Variants in CDK14 observed in about 807,000 individuals in gnomAD.
CDK14 encodes cyclin-dependent kinase 14.
Under a neutral mutation model 60.7 loss-of-function variants are expected in CDK14, and 34 were observed. The ratio of observed to expected loss-of-function variants is 0.56; its 90% CI spans 0.43 to 0.75. The LOEUF (loss-of-function observed/expected upper bound fraction) is 0.75, where lower values mean the gene tolerates loss of function less well. CDK14 is among the 30% of genes least tolerant of loss of function. The probability of loss-of-function intolerance (pLI) is 0.00; values close to 1 mark genes in which losing one functional copy is unlikely to be tolerated. For missense variants in CDK14, 482 were observed against 564.1 expected (o/e 0.85, Z 1.47); for synonymous variants, 197 against 203.7 (o/e 0.97, Z 0.28).
At chr7:90,616,024 C>T (rs1799642935) in intron 2 of CDK14, among the ~76,000 whole-genome samples, 1 of 152,220 alleles carries the variant, frequency 6.6e-6, no homozygotes, top group South Asian at 2.1e-4. Context: ...GATATTGGTA[C>T]AATCATATGC....
intron 10 of CDK14, among the ~76,000 whole-genome samples, chr7:91,002,806 G>T (rs997402401): frequency 4.6e-5 from 7 of 152,156 alleles, no homozygotes; most frequent in African/African-American, 1.4e-4. Flanking sequence ...GGGCCCGGTG[G>T]TTCACAGCTG....
intron 9 of CDK14, among the ~76,000 whole-genome samples, chr7:90,968,855 G>T (rs143367386): frequency 6.6e-6 from 1 of 150,788 alleles, no homozygotes; most frequent in Non-Finnish European, 1.5e-5. Context: ...AGAATCTCAG[G>T]GTAGCTCTCT....
intron 10 of CDK14, among the ~76,000 whole-genome samples, chr7:91,014,723 T>C (rs144092178): frequency 1.8e-3 from 273 of 152,306 alleles, no homozygotes; most frequent in African/African-American, 6.4e-3. Context: ...GCTATGTGTA[T>C]TGTTACTAAT....
At chr7:90,881,112 A>T (rs1791736301) in intron 6 of CDK14, among the ~76,000 whole-genome samples, 1 of 152,226 alleles carries the variant, frequency 6.6e-6, no homozygotes, top group African/African-American at 2.4e-5. Context: ...TGACAGAAGT[A>T]GGCTTCAGAA....
chr7:91,045,982 T>C, intron 11 of CDK14, 22 bp downstream of exon 11: 1 of 1,487,922 alleles, frequency 6.7e-7, no homozygotes, highest in African/African-American at 1.4e-5. Flanking sequence ...TAATTACAGA[T>C]GACTAGGTGC....
intron 5 of CDK14, among the ~76,000 whole-genome samples, chr7:90,825,594 T>C (rs986468441): frequency 1.3e-5 from 2 of 152,188 alleles, no homozygotes; most frequent in African/African-American, 2.4e-5. Context: ...CAAACTGTTA[T>C]CGTGGCAGGG....
chr7:91,168,153 T>C (rs1801404562), intron 14 of CDK14, among the ~76,000 whole-genome samples: 2 of 151,534 alleles, frequency 1.3e-5, no homozygotes, highest in South Asian at 4.2e-4. Flanking sequence ...TCCCAGCTAC[T>C]CGGGATACTG....
At chr7:90,902,874 G>A (rs1792561568) in intron 7 of CDK14, among the ~76,000 whole-genome samples, 1 of 152,000 alleles carries the variant, frequency 6.6e-6, no homozygotes, top group South Asian at 2.1e-4. Context: ...ATTATAAAAG[G>A]AATTCAAACA....
intron 14 of CDK14, among the ~76,000 whole-genome samples, chr7:91,136,821 A>G (rs1240837911): frequency 6.6e-6 from 1 of 152,210 alleles, no homozygotes; most frequent in East Asian, 1.9e-4. Context: ...AAAGGTAATG[A>G]AAAATCTGTT....
At chr7:91,164,104 A>G (rs908212094) in intron 14 of CDK14, among the ~76,000 whole-genome samples, 3 of 152,196 alleles carry the variant, frequency 2.0e-5, no homozygotes, top group Admixed American at 6.5e-5. Flanking sequence ...CGTAGCATAC[A>G]ATATTACTTA....
rs563123652 is a variant in CDK14 at position 90,639,713 on chromosome 7, C to T, written c.123+35464C>T. On this transcript the variant is annotated intron_variant, in intron 2 of 14. Transcript: ENST00000380050. ...TGTCTTTTTGTTTGTCTGTGCCCTGCCCCCAGAGGTGGAGCCTACAGAGGC... is the reference window on the plus strand; with the variant it reads ...TGTCTTTTTGTTTGTCTGTGCCCTGTCCCCAGAGGTGGAGCCTACAGAGGC... Among the ~76,000 whole-genome samples the T allele has an allele frequency of 2.0e-5, 3 of 148,688 alleles. No homozygotes were observed. In the South Asian group the frequency reaches 6.5e-4, roughly 32 times the overall value.
At chr7:90,881,658 A>C (rs1170084016) in intron 6 of CDK14, among the ~76,000 whole-genome samples, 1 of 152,202 alleles carries the variant, frequency 6.6e-6, no homozygotes, top group African/African-American at 2.4e-5. Context: ...GGTAGAAATG[A>C]AGTAAAAATT....
intron 2 of CDK14, among the ~76,000 whole-genome samples, chr7:90,692,948 A>AG (rs1214444691): frequency 6.6e-6 from 1 of 152,068 alleles, no homozygotes; most frequent in Non-Finnish European, 1.5e-5. Context: ...AAAAAAAAAA[A>AG]AATTCTCCCT....
At chr7:90,861,409 G>T (rs942105377) in intron 5 of CDK14, among the ~76,000 whole-genome samples, 1 of 152,174 alleles carries the variant, frequency 6.6e-6, no homozygotes, top group Non-Finnish European at 1.5e-5. Flanking sequence ...AGTGACACAG[G>T]GGAAGCTGAT....
chr7:91,088,203 A>T lies in CDK14; in HGVS notation c.1154+8723A>T, dbSNP rs776273170. On this transcript the variant is annotated intron_variant, in intron 12 of 14. Coordinates refer to ENST00000380050, the MANE Select transcript of CDK14 (RefSeq NM_001287135.2). ...TAGATGAATTATCTCTCAAAACACA[A>T]TGAATAAAGGCTGGGAGCATGGCCA... Among the ~76,000 whole-genome samples the T allele has an allele frequency of 2.4e-4, 36 of 152,302 alleles. No homozygotes were observed. In the Middle Eastern group the frequency reaches 0.014, roughly 58 times the overall value.
At chr7:91,202,826 T>C (rs568615639) in intron 14 of CDK14, among the ~76,000 whole-genome samples, 6 of 152,352 alleles carry the variant, frequency 3.9e-5, no homozygotes, top group Non-Finnish European at 7.3e-5. Context: ...CCATTAAATG[T>C]CTAAGCCCAA....
chr7:90,598,667 A>C (rs1264704033), intron 1 of CDK14, among the ~76,000 whole-genome samples: 1 of 151,462 alleles, frequency 6.6e-6, no homozygotes, highest in East Asian at 1.9e-4. Flanking sequence ...TGTATTTGCA[A>C]AATTAAAACC....
chr7:91,017,466 T>C (rs1054349531), intron 10 of CDK14, among the ~76,000 whole-genome samples: 3 of 152,224 alleles, frequency 2.0e-5, no homozygotes, highest in African/African-American at 7.2e-5. Context: ...TTCCTAATAA[T>C]TTTTAAAGTT....
intron 11 of CDK14, among the ~76,000 whole-genome samples, chr7:91,066,106 G>A (rs1797969553): frequency 6.6e-6 from 1 of 152,096 alleles, no homozygotes; most frequent in Non-Finnish European, 1.5e-5. Flanking sequence ...GTGAATGCAT[G>A]TGTTACAACG....
Sources: allele counts gnomAD v4.1 joint callset (sites outside exome capture counted in the v4.1 genomes callset), GRCh38; gene constraint gnomAD v4.1.1; transcripts MANE v1.5; gene names NCBI Gene and HGNC (gene_info 2026-07-23, HGNC 2026-07-21).